Variants in CFAP299 observed in about 807,000 individuals in gnomAD.
The protein encoded by CFAP299 is cilia and flagella associated protein 299, also known as cilia- and flagella-associated protein 299.
Under a neutral mutation model 27.0 loss-of-function variants are expected in CFAP299, and 21 were observed. That is an observed-to-expected ratio of 0.78 (90% CI 0.55 to 1.12). CFAP299 has a LOEUF of 1.12. Among genes scored for constraint, CFAP299 ranks in the 50% most tolerant of loss-of-function variants. CFAP299 has a pLI of 0.00. For synonymous variants in CFAP299, 104 were observed against 98.1 expected, an observed-to-expected ratio of 1.06 and a Z score of -0.36; for missense variants, 310 against 276.6, an observed-to-expected ratio of 1.12 and a Z score of -0.86.
At chr4:80,641,359 C>T (rs1739717722) in intron 3 of CFAP299, among the ~76,000 whole-genome samples, 1 of 152,092 alleles carries the variant, frequency 6.6e-6, no homozygotes. Context: ...CACACACCAC[C>T]ATGCCAGGCT....
intron 2 of CFAP299, among the ~76,000 whole-genome samples, chr4:80,531,819 T>C (rs1733484241): frequency 6.7e-6 from 1 of 148,244 alleles, no homozygotes; most frequent in South Asian, 2.2e-4. Context: ...AATGGCACGA[T>C]CTCGGCTCAC....
At chr4:80,752,779 T>G (rs1725009920) in intron 3 of CFAP299, among the ~76,000 whole-genome samples, 1 of 152,046 alleles carries the variant, frequency 6.6e-6, no homozygotes, top group African/African-American at 2.4e-5. Flanking sequence ...GGCTTTTCAT[T>G]TATATGGCCC....
At chr4:80,455,967 C>T (rs368933136) in intron 2 of CFAP299, among the ~76,000 whole-genome samples, 3 of 151,928 alleles carry the variant, frequency 2.0e-5, no homozygotes, top group Admixed American at 1.3e-4. Flanking sequence ...AAAAGATATG[C>T]TATGATAGAT....
intron 1 of CFAP299, among the ~76,000 whole-genome samples, chr4:80,351,327 A>T (rs1723005030): frequency 6.6e-6 from 1 of 152,196 alleles, no homozygotes. Flanking sequence ...GCACAGAAAT[A>T]CAGTATGAAA....
At chr4:80,332,365 T>G (rs1721972864), upstream of CFAP299, among the ~76,000 whole-genome samples, 1 of 151,918 alleles carries the variant, frequency 6.6e-6, no homozygotes, top group South Asian at 2.1e-4. Context: ...TGCTTATTTT[T>G]AAAATGGGAA....
At chr4:80,842,952 A>G (rs890041406) in intron 3 of CFAP299, among the ~76,000 whole-genome samples, 68 of 151,966 alleles carry the variant, frequency 4.5e-4, no homozygotes, top group Non-Finnish European at 9.6e-4. Flanking sequence ...GAACAAATAG[A>G]ATTTATGTTT....
Position 80,894,792 on chromosome 4 carries a change from G to A in CFAP299, c.476+24657G>A, listed in dbSNP as rs549201995. ...AAGGTACAGATATGTGTGTGAGTGT[G>A]TGTGTGAGAGAGAGAGCTATATAAT... On this transcript the variant is annotated intron_variant, in intron 4 of 5. Coordinates refer to ENST00000358105, the MANE Select transcript of CFAP299 (RefSeq NM_152770.3). Among the ~76,000 whole-genome samples, 4 of 151,424 alleles carry A rather than the reference G, an allele frequency of 2.6e-5. No individual in the cohort carries two copies. In the South Asian group the frequency reaches 8.3e-4, roughly 31 times the overall value.
intron 3 of CFAP299, among the ~76,000 whole-genome samples, chr4:80,602,891 C>G (rs1436109892): frequency 6.6e-6 from 1 of 152,136 alleles, no homozygotes; most frequent in African/African-American, 2.4e-5. Flanking sequence ...GACCTGGGCA[C>G]TGGGTGATGG....
intron 2 of CFAP299, among the ~76,000 whole-genome samples, chr4:80,448,706 TAA>T (rs5859726): frequency 1.3e-5 from 2 of 151,452 alleles, no homozygotes; most frequent in Non-Finnish European, 2.9e-5. Context: ...TTGAACATAA[TAA>T]AAAAAAAACC....
intron 3 of CFAP299, among the ~76,000 whole-genome samples, chr4:80,744,348 G>A (rs1724459539): frequency 7.7e-6 from 1 of 129,924 alleles, no homozygotes; most frequent in Non-Finnish European, 1.6e-5. Flanking sequence ...TTCATTTGCA[G>A]CTCTCCTCCA....
chr4:80,768,539 A>T (rs1726030185), intron 3 of CFAP299, among the ~76,000 whole-genome samples: 1 of 152,240 alleles, frequency 6.6e-6, no homozygotes, highest in Non-Finnish European at 1.5e-5. Flanking sequence ...TTAAAAATAG[A>T]TTCATATTTA....
intron 1 of CFAP299, among the ~76,000 whole-genome samples, chr4:80,350,131 A>T (rs1465801580): frequency 6.6e-6 from 1 of 152,168 alleles, no homozygotes; most frequent in Non-Finnish European, 1.5e-5. Context: ...AATGTCAAAC[A>T]GTCTAACATA....
At chr4:80,581,453 G>GATATATATATATATATATATATATATAT (rs70944794) in intron 2 of CFAP299, among the ~76,000 whole-genome samples, 10 of 103,008 alleles carry the variant, frequency 9.7e-5, no homozygotes, top group Admixed American at 3.5e-4. Flanking sequence ...TATTAAGTGA[G>GATATATATATATATATATATATATATAT]ATATATATAT....
intron 2 of CFAP299, among the ~76,000 whole-genome samples, chr4:80,419,285 G>A (rs756145572): frequency 9.9e-5 from 15 of 152,162 alleles, no homozygotes; most frequent in Non-Finnish European, 1.6e-4. Context: ...GGGGTCTTGC[G>A]TTCCTTCTCC....
chr4:80,769,189 C>A (rs1387504650), intron 3 of CFAP299, among the ~76,000 whole-genome samples: 1 of 152,094 alleles, frequency 6.6e-6, no homozygotes, highest in East Asian at 1.9e-4. Flanking sequence ...TAGTAGGTGC[C>A]TGACATTTTG....
chr4:80,340,061 G>A (rs944934540), intron 1 of CFAP299, among the ~76,000 whole-genome samples: 34 of 152,208 alleles, frequency 2.2e-4, no homozygotes, highest in African/African-American at 6.8e-4. Context: ...AGAAGCAACT[G>A]CAGTCCATGG....
chr4:80,439,301 G>T (rs1246169657), intron 2 of CFAP299, among the ~76,000 whole-genome samples: 1 of 152,200 alleles, frequency 6.6e-6, no homozygotes, highest in Non-Finnish European at 1.5e-5. Flanking sequence ...CTCCCAGGGA[G>T]ACCAACGCAG....
intron 3 of CFAP299, among the ~76,000 whole-genome samples, chr4:80,788,374 A>G (rs1200944032): frequency 6.6e-6 from 1 of 151,968 alleles, no homozygotes; most frequent in Non-Finnish European, 1.5e-5. Flanking sequence ...ATCTAACTGA[A>G]CTAACTGTTG....
chr4:80,499,786 G>C (rs893913303), intron 2 of CFAP299, among the ~76,000 whole-genome samples: 2 of 151,930 alleles, frequency 1.3e-5, no homozygotes, highest in African/African-American at 4.8e-5. Context: ...CCTAGGATAA[G>C]CACTGAGCAT....
Sources: gnomAD v4.1 joint callset for allele counts (sites outside exome capture counted in the v4.1 genomes callset) on GRCh38, gnomAD v4.1.1 for gene constraint, MANE v1.5 for transcripts, NCBI Gene and HGNC (gene_info 2026-07-23, HGNC 2026-07-21) for gene names.